The following CTNNA3 variants were observed in gnomAD, a reference collection of about 807,000 sequenced individuals.
CTNNA3 encodes catenin alpha-3.
A neutral mutation model predicts 95.7 loss-of-function variants in CTNNA3; 76 were observed. That is an observed-to-expected ratio of 0.79 (90% CI 0.66 to 0.96). CTNNA3 has a LOEUF of 0.96. CTNNA3 is among the 40% of genes least tolerant of loss of function. The pLI is 0.00. For missense variants in CTNNA3, 1,191 were observed against 1,089.8 expected (o/e 1.09, Z -1.31); for synonymous variants, 431 against 374.4 (o/e 1.15, Z -1.74).
At chr10:67,025,973 T>C (rs1320578345) in intron 7 of CTNNA3, among the ~76,000 whole-genome samples, 1 of 150,618 alleles carries the variant, frequency 6.6e-6, no homozygotes, top group Admixed American at 6.6e-5. Context: ...ATGGATGAAA[T>C]TGGAAATCAT....
At chr10:67,561,080 G>A (rs891737918) in intron 3 of CTNNA3, among the ~76,000 whole-genome samples, 1 of 146,950 alleles carries the variant, frequency 6.8e-6, no homozygotes, top group Non-Finnish European at 1.5e-5. Context: ...ACAGATCAAC[G>A]AGACAGAAAG....
intron 12 of CTNNA3, among the ~76,000 whole-genome samples, chr10:66,358,337 G>A (rs2092627166): frequency 6.6e-6 from 1 of 150,768 alleles, no homozygotes. Flanking sequence ...AAGAGTCTAA[G>A]CCAGGAAATA....
chr10:66,850,398 T>C (rs969584695), intron 7 of CTNNA3, among the ~76,000 whole-genome samples: 4 of 152,198 alleles, frequency 2.6e-5, no homozygotes, highest in Non-Finnish European at 5.9e-5. Context: ...GCTTTCATTT[T>C]ACTCTTCAAA....
At chr10:66,882,934 T>C (rs74141728) in intron 7 of CTNNA3, among the ~76,000 whole-genome samples, 17 of 152,180 alleles carry the variant, frequency 1.1e-4, no homozygotes, top group African/African-American at 3.9e-4. Flanking sequence ...TAGGAATACC[T>C]AGGAGGTTTT....
At chr10:67,481,660 G>A (rs1210450943) in intron 5 of CTNNA3, among the ~76,000 whole-genome samples, 1 of 152,194 alleles carries the variant, frequency 6.6e-6, no homozygotes, top group Admixed American at 6.5e-5. Flanking sequence ...CCCTTTGTCA[G>A]ATGAGTAGGT....
intron 15 of CTNNA3, among the ~76,000 whole-genome samples, chr10:65,995,832 T>C (rs2078645221): frequency 6.6e-6 from 1 of 151,956 alleles, no homozygotes; most frequent in Non-Finnish European, 1.5e-5. Context: ...CTGATACCAG[T>C]GGTAGTGGGT....
chr10:66,518,339 C>A (rs968849947), intron 11 of CTNNA3, among the ~76,000 whole-genome samples: 1 of 152,098 alleles, frequency 6.6e-6, no homozygotes, highest in African/African-American at 2.4e-5. Flanking sequence ...TGTTGCATGT[C>A]CAGAGTATTC....
At chr10:66,803,641 G>C (rs1841521934) in intron 7 of CTNNA3, among the ~76,000 whole-genome samples, 1 of 151,976 alleles carries the variant, frequency 6.6e-6, no homozygotes, top group Admixed American at 6.6e-5. Flanking sequence ...CAAGCACCTT[G>C]CATAAATATC....
intron 14 of CTNNA3, among the ~76,000 whole-genome samples, chr10:66,078,361 A>T (rs1185269065): frequency 1.3e-5 from 2 of 151,836 alleles, no homozygotes; most frequent in African/African-American, 4.8e-5. Context: ...CACTTCAAGA[A>T]CTTGTTATCC....
At chr10:67,116,245 C>T (rs1859182114) in intron 7 of CTNNA3, among the ~76,000 whole-genome samples, 1 of 152,026 alleles carries the variant, frequency 6.6e-6, no homozygotes, top group Admixed American at 6.6e-5. Context: ...TAATGCACCT[C>T]AAAGGCATTT....
intron 7 of CTNNA3, among the ~76,000 whole-genome samples, chr10:67,082,426 A>G (rs1224732821): frequency 6.6e-6 from 1 of 152,180 alleles, no homozygotes; most frequent in Non-Finnish European, 1.5e-5. Context: ...TGCCTAATCA[A>G]TATCACTCCT....
chr10:67,548,628 C>A (rs906357014), intron 3 of CTNNA3, among the ~76,000 whole-genome samples: 25 of 152,216 alleles, frequency 1.6e-4, no homozygotes, highest in African/African-American at 5.8e-4. Flanking sequence ...CATAGACCTA[C>A]TTGCAAGAGC....
At chr10:66,240,992 A>G (rs1016058771) in intron 13 of CTNNA3, among the ~76,000 whole-genome samples, 1 of 152,130 alleles carries the variant, frequency 6.6e-6, no homozygotes, top group African/African-American at 2.4e-5. Context: ...AAATAAGGAC[A>G]AAAACAATGT....
intron 5 of CTNNA3, among the ~76,000 whole-genome samples, chr10:67,376,810 T>C (rs1315438042): frequency 6.6e-6 from 1 of 152,172 alleles, no homozygotes; most frequent in African/African-American, 2.4e-5. Flanking sequence ...GTAGTTTAAT[T>C]ACAGAGAACA....
chr10:67,238,599 T>C (rs1467825095), intron 5 of CTNNA3, among the ~76,000 whole-genome samples: 1 of 152,168 alleles, frequency 6.6e-6, no homozygotes, highest in Admixed American at 6.6e-5. Flanking sequence ...GAATGACTTC[T>C]GTTTCTGGAA....
At chr10:65,957,027 C>A (rs2077745072) in intron 17 of CTNNA3, among the ~76,000 whole-genome samples, 1 of 152,126 alleles carries the variant, frequency 6.6e-6, no homozygotes, top group South Asian at 2.1e-4. Context: ...GAGTCTAAGT[C>A]TCTTTGTAGG....
chr10:66,881,337 T>C (rs1343379665), intron 7 of CTNNA3, among the ~76,000 whole-genome samples: 1 of 152,118 alleles, frequency 6.6e-6, no homozygotes, highest in African/African-American at 2.4e-5. Context: ...ATAAAGTCTA[T>C]GAGTAATTGA....
intron 7 of CTNNA3, among the ~76,000 whole-genome samples, chr10:67,037,263 T>G (rs1054835386): frequency 3.3e-5 from 5 of 152,100 alleles, no homozygotes; most frequent in African/African-American, 1.2e-4. Flanking sequence ...TTTAGAGATA[T>G]TTAATCATTT....
chr10:66,788,324 G>C (rs964297183), intron 7 of CTNNA3, among the ~76,000 whole-genome samples: 4 of 152,034 alleles, frequency 2.6e-5, no homozygotes, highest in African/African-American at 9.7e-5. Flanking sequence ...ATTTGGACAG[G>C]GTGCTATATA....
Sources: allele counts gnomAD v4.1 joint callset (sites outside exome capture counted in the v4.1 genomes callset), GRCh38; gene constraint gnomAD v4.1.1; transcripts MANE v1.5; gene names NCBI Gene and HGNC (gene_info 2026-07-23, HGNC 2026-07-21).